Variants in TJP1 observed in about 807,000 individuals in gnomAD.
TJP1 encodes tight junction protein ZO-1.
In TJP1, 43 loss-of-function variants were observed where a neutral mutation model predicts 194.2. The observed-to-expected ratio is 0.22, with a 90% confidence interval of 0.17 to 0.29. The LOEUF is 0.29. Ranked by LOEUF, TJP1 falls within the 10% of genes least tolerant of loss-of-function variation. TJP1 has a pLI of 1.00. For synonymous variants in TJP1, 801 were observed against 779.0 expected, an observed-to-expected ratio of 1.03 and a Z score of -0.47; for missense variants, 1,971 against 2,185.7, an observed-to-expected ratio of 0.90 and a Z score of 1.96.
chr15:29,921,569 G>A (rs1331043142), intron 2 of TJP1, among the ~76,000 whole-genome samples: 1 of 152,246 alleles, frequency 6.6e-6, no homozygotes, highest in Admixed American at 6.5e-5. Flanking sequence ...CAGCTCTCAC[G>A]GGGCTTTGCT....
At chr15:29,834,974 G>T (rs1026530832) in intron 2 of TJP1, among the ~76,000 whole-genome samples, 2 of 152,182 alleles carry the variant, frequency 1.3e-5, no homozygotes, top group African/African-American at 4.8e-5. Context: ...GCATCAGAAA[G>T]AACCTGATGG....
At chr15:29,719,191 A>G in intron 20 of TJP1, 53 bp from the exon 21 acceptor site, 6 of 1,480,506 alleles carry the variant, frequency 4.1e-6, no homozygotes, top group Non-Finnish European at 5.4e-6. Flanking sequence ...ATTCTAGTCT[A>G]TTTTATTAGA....
intron 2 of TJP1, among the ~76,000 whole-genome samples, chr15:29,899,203 G>A (rs1176116826): frequency 1.3e-5 from 2 of 152,210 alleles, no homozygotes; most frequent in African/African-American, 4.8e-5. Context: ...ACAAAGCCAT[G>A]ATCCTCCCAA....
At chr15:29,827,657 G>A (rs905187762) in intron 2 of TJP1, among the ~76,000 whole-genome samples, 1 of 152,192 alleles carries the variant, frequency 6.6e-6, no homozygotes, top group African/African-American at 2.4e-5. Flanking sequence ...TAAAATTCAT[G>A]CTGATAATTC....
At chr15:29,940,167 T>C (rs1035763984) in intron 2 of TJP1, among the ~76,000 whole-genome samples, 5 of 152,160 alleles carry the variant, frequency 3.3e-5, no homozygotes, top group African/African-American at 4.8e-5. Context: ...AAGTCATAAC[T>C]AGAAAGAACT....
At chr15:29,960,405 T>C (rs899732309) in intron 1 of TJP1, among the ~76,000 whole-genome samples, 1 of 151,874 alleles carries the variant, frequency 6.6e-6, no homozygotes, top group African/African-American at 2.4e-5. Flanking sequence ...GGCCGAGACA[T>C]GAGGATCTCT....
At chr15:29,834,181 G>GT (rs1339761786) in intron 2 of TJP1, among the ~76,000 whole-genome samples, 1 of 147,132 alleles carries the variant, frequency 6.8e-6, no homozygotes, top group African/African-American at 2.5e-5. Flanking sequence ...GGGCCCGGCC[G>GT]TAAGTATATT....
At chr15:29,832,267 G>T (rs2050860694) in intron 2 of TJP1, among the ~76,000 whole-genome samples, 1 of 152,096 alleles carries the variant, frequency 6.6e-6, no homozygotes, top group Non-Finnish European at 1.5e-5. Context: ...TTGCTGGAGA[G>T]GTCATGTGGA....
At chr15:29,786,173 T>A (rs1057375850) in intron 2 of TJP1, among the ~76,000 whole-genome samples, 1 of 152,202 alleles carries the variant, frequency 6.6e-6, no homozygotes, top group Non-Finnish European at 1.5e-5. Flanking sequence ...AACAGTTATG[T>A]CCCTTGGCTA....
rs199641920 is a variant in TJP1 at position 29,761,285 on chromosome 15, G to A, written c.864C>T (p.Asp288=). 7 of 1,613,854 alleles carry A rather than the reference G, an allele frequency of 4.3e-6. No homozygotes were observed. The change falls in exon 8 of 28, where the codon GAC becomes GAT. Residue 288 remains aspartate, a splice_region_variant and synonymous_variant. Coordinates refer to ENST00000614355, the MANE Select transcript of TJP1 (RefSeq NM_001330239.4). The stretch of plus-strand genomic sequence containing the variant: ...ATGCCAGTGACTGAATTTCTGAAAT[G>A]TCTGTTAATAAAAGGGTGCTACTTA... ...IHSANASERD[D]ISEIQSLASD...
At chr15:29,806,556 A>G (rs971631185) in intron 1 of TJP1, among the ~76,000 whole-genome samples, 5 of 152,228 alleles carry the variant, frequency 3.3e-5, no homozygotes, top group Admixed American at 2.0e-4. Context: ...AAGCTGCTAC[A>G]CTGAACGGCT....
chr15:29,856,524 AT>A (rs993159265), intron 2 of TJP1, among the ~76,000 whole-genome samples: 1 of 152,134 alleles, frequency 6.6e-6, no homozygotes, highest in Non-Finnish European at 1.5e-5. Flanking sequence ...TTATAGTTAT[AT>A]TTTTACCTTG....
intron 23 of TJP1, among the ~76,000 whole-genome samples, chr15:29,716,231 A>C (rs1355259553): frequency 6.6e-6 from 1 of 152,188 alleles, no homozygotes. Context: ...ATTTCCCTCA[A>C]ACAGGATCCT....
intron 2 of TJP1, among the ~76,000 whole-genome samples, chr15:29,843,634 G>C (rs2051307796): frequency 6.6e-6 from 1 of 152,138 alleles, no homozygotes; most frequent in South Asian, 2.1e-4. Flanking sequence ...AGCTTCCATT[G>C]TACTAGAAAA....
intron 7 of TJP1, 104 bp from the exon 8 acceptor site, chr15:29,761,390 T>C (rs1195667090): frequency 3.5e-6 from 5 of 1,411,854 alleles, no homozygotes; most frequent in East Asian, 5.0e-5. Context: ...AAATTATATA[T>C]AAAATGGAAG....
chr15:29,804,812 G>C (rs779564331), intron 1 of TJP1, among the ~76,000 whole-genome samples: 1 of 152,138 alleles, frequency 6.6e-6, no homozygotes, highest in South Asian at 2.1e-4. Flanking sequence ...AGGGGAAAAT[G>C]TATTACTCCT....
intron 6 of TJP1, among the ~76,000 whole-genome samples, chr15:29,762,092 C>T (rs1010266991): frequency 6.6e-6 from 1 of 152,142 alleles, no homozygotes; most frequent in Admixed American, 6.5e-5. Context: ...TGTGTAAGAA[C>T]AGACATATCT....
rs1288514433 is a variant in TJP1 at position 29,822,002 on chromosome 15, C to T, written c.27G>A (p.Lys9=). 2 of 1,343,174 alleles carry T rather than the reference C, an allele frequency of 1.5e-6. No homozygotes were observed. The highest frequency in any genetic ancestry group is 4.1e-5 in the South Asian group (2 of 48,358). The allele number at this position is 1,343,174 out of a possible 1,614,324, so 83.2% of individuals were successfully genotyped here. A position where few individuals can be genotyped will look rare whatever the true frequency, so the allele number is the denominator to read the frequency against. The change falls in exon 1 of 28, where the codon AAG becomes AAA. Residue 9 remains lysine, a splice_region_variant and synonymous_variant. Coordinates refer to ENST00000614355, the MANE Select transcript of TJP1 (RefSeq NM_001330239.4). The stretch of plus-strand genomic sequence containing the variant: ...CCCTGGCGGCCGCGGAGGCGCTCAC[C>T]TTGGCGGCCGCAGCTCTGGCGGACA... MSARAAAA[K]STAMEETAIW...
At position 29,766,427 on chromosome 15, in the gene TJP1, C is replaced by T. The variant is rs377122303; in HGVS notation, c.428G>A (p.Arg143Gln). The T allele has an allele frequency of 3.8e-5, 61 of 1,614,152 alleles. No individual in the cohort carries two copies. The highest frequency in any genetic ancestry group is 1.3e-4 in the Admixed American group (8 of 60,026). Reference sequence around the variant, plus strand: ...ACTCCTTCTGTTAACCACACCACTCCGGCCACTTCTTGGATCATGTATTTC... The same window carrying T: ...ACTCCTTCTGTTAACCACACCACTCTGGCCACTTCTTGGATCATGTATTTC... ...DEEIHDPRSG[R>Q]SGVVNRRSEK... The change falls in exon 5 of 28, where the codon CGG becomes CAG. Residue 143 changes from arginine to glutamine, a missense_variant. Physicochemically the swap from Arg to Gln is conservative, Grantham distance 43. Coordinates refer to ENST00000614355, the MANE Select transcript of TJP1 (RefSeq NM_001330239.4).
Sources: allele counts gnomAD v4.1 joint callset (sites outside exome capture counted in the v4.1 genomes callset), GRCh38; gene constraint gnomAD v4.1.1; transcripts MANE v1.5; gene names NCBI Gene and HGNC (gene_info 2026-07-23, HGNC 2026-07-21).